ARL17B: variants seen among roughly 807,000 people sequenced by gnomAD.
ARL17B encodes the protein ARF like GTPase 17B.
At chr17:46,276,790 CTT>C (rs75549659) in intron 4 of ARL17B, among the ~76,000 whole-genome samples, 9 of 134,290 alleles carry the variant, frequency 6.7e-5, no homozygotes, top group Admixed American at 2.3e-4. Context: ...TTCTTTTTTT[CTT>C]TTTTTTTTTT....
chr17:46,277,283 A>G (rs564694870), intron 4 of ARL17B, among the ~76,000 whole-genome samples: 1 of 152,258 alleles, frequency 6.6e-6, no homozygotes, highest in East Asian at 1.9e-4. Context: ...TTGCTCCTTT[A>G]CCAAATTCCC....
chr17:46,275,942 G>A (rs575307380), intron 4 of ARL17B, among the ~76,000 whole-genome samples: 1 of 151,558 alleles, frequency 6.6e-6, no homozygotes, highest in South Asian at 2.1e-4. Context: ...CCAGGCTGTA[G>A]TGCAAAGGCG....
intron 4 of ARL17B, among the ~76,000 whole-genome samples, chr17:46,280,137 C>G (rs1464158117): frequency 6.6e-6 from 1 of 152,226 alleles, no homozygotes; most frequent in Non-Finnish European, 1.5e-5. Context: ...CTTTGGGAGG[C>G]CAGGGCAGGT....
intron 4 of ARL17B, among the ~76,000 whole-genome samples, chr17:46,291,848 A>C (rs2532421): frequency 0.14 from 21,266 of 150,790 alleles, 1,866 homozygotes; most frequent in Non-Finnish European, 0.21. Context: ...GTAGTCCCAG[A>C]TACTTGGGAA....
chr17:46,291,353 G>C (rs1268495169), intron 4 of ARL17B, among the ~76,000 whole-genome samples: 1 of 151,946 alleles, frequency 6.6e-6, no homozygotes, highest in Non-Finnish European at 1.5e-5. Context: ...AATCTCAATG[G>C]AACAGACACA....
chr17:46,283,181 C>T lies in ARL17B; in HGVS notation c.*22-7763G>A, dbSNP rs372497554. Among the ~76,000 whole-genome samples, 327 of 152,180 alleles carry T rather than the reference C, an allele frequency of 2.1e-3. 7 individuals are homozygous for T. Among genetic ancestry groups the T allele is most frequent in the Admixed American group, 0.021 (314 of 15,274 alleles). On this transcript the variant is annotated intron_variant, in intron 4 of 4. Transcript: ENST00000570618. ...ACTGTAATAGATACTATCAATTTAC[C>T]CTCCAAAGTGACCATACCAATTTAT...
At chr17:46,286,455 T>C (rs1378569134) in intron 4 of ARL17B, among the ~76,000 whole-genome samples, 2 of 152,258 alleles carry the variant, frequency 1.3e-5, no homozygotes, top group Non-Finnish European at 2.9e-5. Context: ...CCCAAATTAG[T>C]GTTTTTCTAA....
At chr17:46,288,302 C>T (rs1462595239) in intron 4 of ARL17B, among the ~76,000 whole-genome samples, 4 of 147,212 alleles carry the variant, frequency 2.7e-5, no homozygotes, top group East Asian at 2.0e-4. Flanking sequence ...CCACCAGGCC[C>T]GGCTTTTTTT....
At chr17:46,311,623 A>G (rs1319217565) in intron 3 of ARL17B, among the ~76,000 whole-genome samples, 1 of 94,132 alleles carries the variant, frequency 1.1e-5, no homozygotes, top group African/African-American at 3.3e-5. Context: ...AAAAAAAAAA[A>G]CAGGCAAGAA....
At chr17:46,285,236 CTTT>C in intron 4 of ARL17B, among the ~76,000 whole-genome samples, 2 of 148,602 alleles carry the variant, frequency 1.3e-5, no homozygotes, top group Admixed American at 6.7e-5. Context: ...GTTTTCTTTT[CTTT>C]CCTTTTTTTT....
At chr17:46,278,368 T>G (rs1395436702) in intron 4 of ARL17B, among the ~76,000 whole-genome samples, 2 of 151,180 alleles carry the variant, frequency 1.3e-5, no homozygotes, top group African/African-American at 4.8e-5. Context: ...CCTAGTCTTT[T>G]TTGTTTTGTT....
chr17:46,291,495 T>C (rs1239122225), intron 4 of ARL17B, among the ~76,000 whole-genome samples: 6 of 149,084 alleles, frequency 4.0e-5, no homozygotes, highest in Admixed American at 6.6e-5. Context: ...GAGGCAGTGA[T>C]AGGCTCCCTG....
At chr17:46,284,930 CA>C (rs2049864229) in intron 4 of ARL17B, among the ~76,000 whole-genome samples, 1 of 152,248 alleles carries the variant, frequency 6.6e-6, no homozygotes, top group Non-Finnish European at 1.5e-5. Context: ...AGTGGAGTGG[CA>C]CGATCATAGC....
chr17:46,281,825 G>C (rs1320957097), intron 4 of ARL17B, among the ~76,000 whole-genome samples: 2 of 152,024 alleles, frequency 1.3e-5, no homozygotes, highest in Non-Finnish European at 2.9e-5. Flanking sequence ...TGTATTTTTA[G>C]TAGAGATGGG....
At chr17:46,350,578 G>A (rs866192210) in intron 3 of ARL17B, among the ~76,000 whole-genome samples, 72 of 89,170 alleles carry the variant, frequency 8.1e-4, no homozygotes, top group Admixed American at 2.4e-3. Flanking sequence ...AAAAAAAAGG[G>A]GGGGGGAGGC....
rs1374998275 is a variant in ARL17B, at chr17:46,292,859, G to C, written c.*21+6667C>G. ...TTACAATCATGTGCTGCAAAATGAAGTTTGGGTCAACAGTAGACCACATAT... is the reference window on the plus strand; with the variant it reads ...TTACAATCATGTGCTGCAAAATGAACTTTGGGTCAACAGTAGACCACATAT... On this transcript the variant is annotated intron_variant, in intron 4 of 4. Coordinates refer to the ARL17B transcript ENST00000570618. 2.6e-5 allele frequency: 2 copies of C among 77,430 alleles called. 1 individual carries two copies. Among genetic ancestry groups the C allele is most frequent in the African/African-American group, 6.5e-5 (2 of 30,548 alleles). The allele number at this position is 77,430 out of a possible 1,614,324, so 4.8% of individuals were successfully genotyped here. A position where few individuals can be genotyped will look rare whatever the true frequency, so the allele number is the denominator to read the frequency against.
At chr17:46,280,054 C>G (rs1471131563) in intron 4 of ARL17B, among the ~76,000 whole-genome samples, 1 of 152,180 alleles carries the variant, frequency 6.6e-6, no homozygotes, top group Non-Finnish European at 1.5e-5. Context: ...TTTCCCTGAA[C>G]CTCTTGTTTT....
At position 46,285,786 on chromosome 17, in the gene ARL17B, T is replaced by C. The variant is rs539681811; in HGVS notation, c.*22-10368A>G. Among the ~76,000 whole-genome samples, 27 of 152,334 alleles carry C rather than the reference T, an allele frequency of 1.8e-4. No homozygotes were observed. In the East Asian group the frequency reaches 5.0e-3, roughly 28 times the overall value. On this transcript the variant is annotated intron_variant, in intron 4 of 4. Transcript: ENST00000570618. ...TAGCTGAGAGTCAGTAAATAATCAC[T>C]CTAAGATTGGAAACTTGAAATCCTA...
In ARL17B at chr17:46,291,623, G is replaced by GA. The variant is rs1232105289; in HGVS notation, c.*21+7902dup. ...GTTTGAAAATGAAAATGTGTAATATGAAAAAAAGACAACCAGGGCCCATAC... is the reference window on the plus strand; with the variant it reads ...GTTTGAAAATGAAAATGTGTAATATGAAAAAAAAGACAACCAGGGCCCATAC... On this transcript the variant is annotated intron_variant, in intron 4 of 4. Coordinates refer to the ARL17B transcript ENST00000570618. Among the ~76,000 whole-genome samples the GA allele has an allele frequency of 9.2e-5, 14 of 152,006 alleles. No homozygotes were observed. In the East Asian group the frequency reaches 1.4e-3, roughly 15 times the overall value.
Sources: allele counts gnomAD v4.1 joint callset (sites outside exome capture counted in the v4.1 genomes callset), GRCh38; gene constraint gnomAD v4.1.1; transcripts MANE v1.5; gene names NCBI Gene and HGNC (gene_info 2026-07-23, HGNC 2026-07-21).